Variants in PCNX1 observed in about 807,000 individuals in gnomAD.
The protein encoded by PCNX1 is pecanex-like protein 1.
PCNX1 carries 78 observed loss-of-function variants against 242.2 expected under a neutral mutation model. The observed-to-expected ratio is 0.32, with a 90% confidence interval of 0.27 to 0.39. PCNX1 has a LOEUF of 0.39. PCNX1 is among the 10% of genes least tolerant of loss of function. The pLI is 1.00. For missense variants in PCNX1, 2,581 were observed against 2,856.5 expected, an observed-to-expected ratio of 0.90 and a Z score of 2.20; for synonymous variants, 1,024 against 1,032.9, an observed-to-expected ratio of 0.99 and a Z score of 0.17.
At chr14:70,971,919 A>T (rs2058553439) in intron 5 of PCNX1, among the ~76,000 whole-genome samples, 1 of 152,198 alleles carries the variant, frequency 6.6e-6, no homozygotes, top group African/African-American at 2.4e-5. Flanking sequence ...AAAGGTGCTA[A>T]TTTTAATTCT....
At chr14:71,067,726 C>G (rs541039617) in intron 26 of PCNX1, among the ~76,000 whole-genome samples, 2 of 152,090 alleles carry the variant, frequency 1.3e-5, no homozygotes, top group African/African-American at 4.8e-5. Context: ...CTTCTCTGCT[C>G]TCTCTTGTGG....
At chr14:71,047,714 G>A (rs1026031380) in intron 21 of PCNX1, 93 bp from the exon 22 acceptor site, 1 of 1,034,722 alleles carries the variant, frequency 9.7e-7, no homozygotes, top group Non-Finnish European at 1.4e-6. Flanking sequence ...TATATTATAA[G>A]CTTAGTAAAG....
chr14:70,993,317 C>A lies in PCNX1; in HGVS notation c.2445-2424C>A, dbSNP rs528238487. 1.5e-3 allele frequency among the ~76,000 whole-genome samples: 220 copies of A among 151,302 alleles called. 1 individual carries two copies. The highest frequency in any genetic ancestry group is 2.7e-3 in the Non-Finnish European group (185 of 67,828). On this transcript the variant is annotated intron_variant, in intron 7 of 35. Coordinates refer to ENST00000304743, the MANE Select transcript of PCNX1 (RefSeq NM_014982.3). ...TTTTTTTTTGTATGTTTAGTAGAGACGGGGTTTCACCGTGTTAAGCCAGGA... is the reference window on the plus strand; with the variant it reads ...TTTTTTTTTGTATGTTTAGTAGAGAAGGGGTTTCACCGTGTTAAGCCAGGA...
At chr14:70,946,334 TA>T (rs2057455589) in intron 1 of PCNX1, among the ~76,000 whole-genome samples, 1 of 152,232 alleles carries the variant, frequency 6.6e-6, no homozygotes, top group African/African-American at 2.4e-5. Flanking sequence ...ACGAAGAATG[TA>T]TCCTAAAAAA....
intron 26 of PCNX1, among the ~76,000 whole-genome samples, chr14:71,072,707 T>G (rs1355466235): frequency 6.6e-6 from 1 of 152,206 alleles, no homozygotes; most frequent in Admixed American, 6.5e-5. Flanking sequence ...CTTTACATAA[T>G]ATAAGGAATT....
At chr14:70,912,051 C>T (rs566827746) in intron 1 of PCNX1, among the ~76,000 whole-genome samples, 2 of 151,956 alleles carry the variant, frequency 1.3e-5, no homozygotes, top group South Asian at 2.1e-4. Flanking sequence ...CTGGCTAACA[C>T]GGTGAAACCC....
intron 1 of PCNX1, among the ~76,000 whole-genome samples, chr14:70,917,029 G>C (rs2056178147): frequency 6.6e-6 from 1 of 152,104 alleles, no homozygotes; most frequent in African/African-American, 2.4e-5. Flanking sequence ...CACTCTCTCT[G>C]CTCACCCATA....
intron 28 of PCNX1, among the ~76,000 whole-genome samples, chr14:71,080,410 C>A (rs2061824767): frequency 1.3e-5 from 2 of 152,038 alleles, no homozygotes; most frequent in Non-Finnish European, 2.9e-5. Flanking sequence ...TTCTTAGAAG[C>A]AAGTCTGTGG....
intron 2 of PCNX1, among the ~76,000 whole-genome samples, chr14:70,950,589 A>T (rs918102002): frequency 6.6e-6 from 1 of 152,082 alleles, no homozygotes; most frequent in Non-Finnish European, 1.5e-5. Context: ...AATGACTATG[A>T]CCAGAAATTC....
At chr14:71,013,917 G>C (rs1296990255) in intron 11 of PCNX1, among the ~76,000 whole-genome samples, 1 of 152,232 alleles carries the variant, frequency 6.6e-6, no homozygotes, top group African/African-American at 2.4e-5. Flanking sequence ...CCACAGGACA[G>C]ACTGTTAGAG....
chr14:70,983,864 G>A lies in PCNX1; in HGVS notation c.2312-4703G>A, dbSNP rs553395088. ...ATCTTTGTATGTTGATGGTAGCATC[G>A]TTCTTGGCTGACAAAGAAACTAAGA... On this transcript the variant is annotated intron_variant, in intron 6 of 35. Coordinates refer to ENST00000304743, the MANE Select transcript of PCNX1 (RefSeq NM_014982.3). Among the ~76,000 whole-genome samples the A allele has an allele frequency of 9.2e-5, 14 of 151,414 alleles. No homozygotes were observed. In the East Asian group the frequency reaches 9.6e-4, roughly 10 times the overall value.
intron 2 of PCNX1, among the ~76,000 whole-genome samples, chr14:70,953,324 C>CT (rs2057861347): frequency 1.3e-5 from 2 of 151,980 alleles, no homozygotes; most frequent in South Asian, 4.1e-4. Context: ...CTCATTGTGA[C>CT]TTTCAGTTAA....
intron 23 of PCNX1, among the ~76,000 whole-genome samples, chr14:71,051,556 T>C (rs752194128): frequency 4.2e-4 from 64 of 152,208 alleles, no homozygotes; most frequent in Non-Finnish European, 7.8e-4. Context: ...GACAGACTTA[T>C]GGTATCTGCA....
At chr14:70,973,425 G>A (rs1007688914) in intron 5 of PCNX1, among the ~76,000 whole-genome samples, 3 of 152,042 alleles carry the variant, frequency 2.0e-5, no homozygotes, top group Non-Finnish European at 4.4e-5. Flanking sequence ...GTCAAGTGCT[G>A]CCGATAGGTC....
intron 28 of PCNX1, among the ~76,000 whole-genome samples, chr14:71,079,796 A>G (rs1001899635): frequency 6.6e-6 from 1 of 152,108 alleles, no homozygotes; most frequent in Non-Finnish European, 1.5e-5. Flanking sequence ...GGTAGATTGC[A>G]GAAATTTTCT....
intron 6 of PCNX1, among the ~76,000 whole-genome samples, chr14:70,981,282 A>G (rs1211983813): frequency 2.6e-5 from 4 of 152,186 alleles, no homozygotes; most frequent in Admixed American, 2.6e-4. Flanking sequence ...GTTTAACCTT[A>G]CTAATTCAGT....
intron 26 of PCNX1, among the ~76,000 whole-genome samples, chr14:71,070,445 A>G (rs2061559841): frequency 6.6e-6 from 1 of 152,232 alleles, no homozygotes; most frequent in Admixed American, 6.5e-5. Flanking sequence ...ATAGCCTTAC[A>G]AAATTTATTT....
At position 71,112,391 on chromosome 14, in the gene PCNX1, A is replaced by G. The variant is rs1245033138; in HGVS notation, c.*2456A>G. On this transcript the variant is annotated 3_prime_UTR_variant, in exon 36 of 36. Transcript: ENST00000304743. Reference sequence around the variant, plus strand: ...AAGTTGAATTTTGTTAACATATATAATTCTTTAGTGAATTTATAAATTAGG... The same window carrying G: ...AAGTTGAATTTTGTTAACATATATAGTTCTTTAGTGAATTTATAAATTAGG... The G allele has an allele frequency of 1.3e-5, 2 of 152,068 alleles. No individual in the cohort carries two copies. The highest frequency in any genetic ancestry group is 3.8e-4 in the East Asian group (2 of 5,202). The allele number at this position is 152,068 out of a possible 1,614,324, so 9.4% of individuals were successfully genotyped here.
At chr14:70,991,087 G>A (rs1173634878) in intron 7 of PCNX1, among the ~76,000 whole-genome samples, 1 of 151,808 alleles carries the variant, frequency 6.6e-6, no homozygotes, top group African/African-American at 2.4e-5. Context: ...TCTACTAGGT[G>A]GAATATTAAA....
Sources: allele counts gnomAD v4.1 joint callset (sites outside exome capture counted in the v4.1 genomes callset), GRCh38; gene constraint gnomAD v4.1.1; transcripts MANE v1.5; gene names NCBI Gene and HGNC (gene_info 2026-07-23, HGNC 2026-07-21).